ASTN1: variants seen among roughly 807,000 people sequenced by gnomAD.
ASTN1 encodes the protein astrotactin 1.
Under a neutral mutation model 140.7 loss-of-function variants are expected in ASTN1, and 41 were observed. The ratio of observed to expected loss-of-function variants is 0.29; its 90% confidence interval spans 0.23 to 0.38. ASTN1 has a LOEUF of 0.38. Ranked by LOEUF, ASTN1 falls within the 10% of genes least tolerant of loss-of-function variation. The pLI is 1.00. For missense variants in ASTN1, 1,479 were observed against 1,678.8 expected (o/e 0.88, Z 2.08); for synonymous variants, 640 against 652.2 (o/e 0.98, Z 0.29).
chr1:176,987,474 C>T (rs922253046), intron 8 of ASTN1, among the ~76,000 whole-genome samples: 1 of 152,138 alleles, frequency 6.6e-6, no homozygotes, highest in African/African-American at 2.4e-5. Context: ...TTAAAATATA[C>T]TCTATAGCTT....
Position 177,063,775 on chromosome 1 carries a change from C to T in ASTN1, c.284-2510G>A, listed in dbSNP as rs116497544. 2.2e-3 allele frequency among the ~76,000 whole-genome samples: 330 copies of T among 152,284 alleles called. 1 individual carries two copies. Among genetic ancestry groups the T allele is most frequent in the Admixed American group, 4.5e-3 (69 of 15,292 alleles). On this transcript the variant is annotated intron_variant, in intron 1 of 22. Coordinates refer to ENST00000361833, the MANE Select transcript of ASTN1 (RefSeq NM_004319.3). ...TCCTGTTATTGCAGCGGAAACCAAACTCTGTCTCCTAACCCTGGACATAAA... is the reference window on the plus strand; with the variant it reads ...TCCTGTTATTGCAGCGGAAACCAAATTCTGTCTCCTAACCCTGGACATAAA...
At chr1:176,947,320 G>A (rs1672001854) in intron 12 of ASTN1, among the ~76,000 whole-genome samples, 2 of 152,288 alleles carry the variant, frequency 1.3e-5, no homozygotes, top group South Asian at 4.1e-4. Context: ...TAGAAGTAGA[G>A]GTGCAAATGA....
intron 1 of ASTN1, among the ~76,000 whole-genome samples, chr1:177,113,493 C>A (rs1465102880): frequency 6.6e-6 from 1 of 152,134 alleles, no homozygotes; most frequent in Non-Finnish European, 1.5e-5. Flanking sequence ...ATTTGTTATC[C>A]TCCTTGCCTT....
chr1:176,897,642 TA>T (rs995295724), intron 16 of ASTN1, among the ~76,000 whole-genome samples: 13 of 152,162 alleles, frequency 8.5e-5, no homozygotes, highest in Non-Finnish European at 1.2e-4. Context: ...ACGGCTACTT[TA>T]AAAAAATGTT....
chr1:177,155,006 T>C (rs999333314), intron 1 of ASTN1, among the ~76,000 whole-genome samples: 1 of 152,146 alleles, frequency 6.6e-6, no homozygotes, highest in Non-Finnish European at 1.5e-5. Context: ...CTTCATGCAA[T>C]GGAATATTAT....
rs183346905 is a variant in ASTN1 at position 177,135,118 on chromosome 1, G to A, written c.283+29276C>T. Among the ~76,000 whole-genome samples, 5 of 152,150 alleles carry A rather than the reference G, an allele frequency of 3.3e-5. No individual in the cohort carries two copies. In the East Asian group the frequency reaches 7.7e-4, roughly 24 times the overall value. On this transcript the variant is annotated intron_variant, in intron 1 of 22. Transcript: ENST00000361833. ...GTGGATGTGCTTACTGCCATGGGACGTTGCTTTTGCTTTGTTGCCTCATTT... is the reference window on the plus strand; with the variant it reads ...GTGGATGTGCTTACTGCCATGGGACATTGCTTTTGCTTTGTTGCCTCATTT...
At chr1:176,939,474 C>G (rs1277528161) in intron 14 of ASTN1, among the ~76,000 whole-genome samples, 2 of 152,110 alleles carry the variant, frequency 1.3e-5, no homozygotes, top group African/African-American at 4.8e-5. Flanking sequence ...ACTTACATAA[C>G]TGTTAATGCT....
intron 16 of ASTN1, among the ~76,000 whole-genome samples, chr1:176,931,969 G>A (rs552381772): frequency 1.9e-4 from 29 of 152,276 alleles, no homozygotes; most frequent in African/African-American, 4.3e-4. Context: ...CTAAACTGTC[G>A]GGGCTGGAGA....
At chr1:176,926,200 T>TA (rs1670962273) in intron 16 of ASTN1, among the ~76,000 whole-genome samples, 1 of 146,794 alleles carries the variant, frequency 6.8e-6, no homozygotes, top group African/African-American at 2.5e-5. Flanking sequence ...TCGTTATCTA[T>TA]AAAATGGGGA....
At chr1:177,066,862 GAATCCAGCTGA>G (rs888802327) in intron 1 of ASTN1, among the ~76,000 whole-genome samples, 1 of 152,142 alleles carries the variant, frequency 6.6e-6, no homozygotes, top group Non-Finnish European at 1.5e-5. Context: ...AGTGCAAGCT[GAATCCAGCTGA>G]GTACTAATGA....
intron 1 of ASTN1, among the ~76,000 whole-genome samples, chr1:177,157,932 T>C (rs1362332326): frequency 1.3e-5 from 2 of 152,204 alleles, no homozygotes; most frequent in Non-Finnish European, 1.5e-5. Flanking sequence ...TATATGTAGC[T>C]ACAACTCATT....
intron 16 of ASTN1, among the ~76,000 whole-genome samples, chr1:176,902,407 C>A (rs1669806724): frequency 6.6e-6 from 1 of 151,820 alleles, no homozygotes; most frequent in Admixed American, 6.6e-5. Context: ...CCCCGAACAG[C>A]TTTTTAAAAA....
intron 1 of ASTN1, among the ~76,000 whole-genome samples, chr1:177,084,155 A>G (rs1310924548): frequency 6.6e-6 from 1 of 152,174 alleles, no homozygotes; most frequent in African/African-American, 2.4e-5. Context: ...CCTACTAAGT[A>G]GGAGTTAAAT....
chr1:177,046,475 G>A (rs1374373344), intron 2 of ASTN1, among the ~76,000 whole-genome samples: 1 of 152,152 alleles, frequency 6.6e-6, no homozygotes, highest in Non-Finnish European at 1.5e-5. Context: ...AGGAGCTGTT[G>A]GCTTTGCCCA....
chr1:176,903,758 T>G (rs145916156), intron 16 of ASTN1, among the ~76,000 whole-genome samples: 86 of 152,312 alleles, frequency 5.6e-4, no homozygotes, highest in African/African-American at 2.0e-3. Flanking sequence ...CCGTCAGCAA[T>G]TGAGGCACTT....
At chr1:177,034,084 G>C (rs1676587682) in intron 2 of ASTN1, among the ~76,000 whole-genome samples, 1 of 152,054 alleles carries the variant, frequency 6.6e-6, no homozygotes, top group African/African-American at 2.4e-5. Context: ...CTAATTCCCA[G>C]AGGGCCCACC....
At chr1:177,103,382 C>T (rs566327759) in intron 1 of ASTN1, among the ~76,000 whole-genome samples, 5 of 152,280 alleles carry the variant, frequency 3.3e-5, no homozygotes, top group East Asian at 3.9e-4. Context: ...TACAAAATCA[C>T]AGGATGAACA....
chr1:177,023,664 AG>A, intron 6 of ASTN1, 93 bp from the exon 7 acceptor site: 1 of 1,307,424 alleles, frequency 7.6e-7, no homozygotes, highest in Non-Finnish European at 1.0e-6. Context: ...CCTGAGAATT[AG>A]TACCAATCAG....
chr1:176,892,506 T>G (rs1669309599), intron 17 of ASTN1, among the ~76,000 whole-genome samples: 1 of 152,216 alleles, frequency 6.6e-6, no homozygotes, highest in African/African-American at 2.4e-5. Context: ...TGCCATTCAC[T>G]GGCATGGCCA....
Sources: gnomAD v4.1 joint callset for allele counts (sites outside exome capture counted in the v4.1 genomes callset) on GRCh38, gnomAD v4.1.1 for gene constraint, MANE v1.5 for transcripts, NCBI Gene and HGNC (gene_info 2026-07-23, HGNC 2026-07-21) for gene names.